Variants in ARHGEF3 observed in about 807,000 individuals in gnomAD.
ARHGEF3 encodes the protein Rho guanine nucleotide exchange factor 3.
A neutral mutation model predicts 63.2 loss-of-function variants in ARHGEF3; 28 were observed. The ratio of observed to expected loss-of-function variants is 0.44; its 90% CI spans 0.33 to 0.61. The LOEUF (loss-of-function observed/expected upper bound fraction) is 0.61. Among genes scored for constraint, ARHGEF3 ranks in the 20% least tolerant of loss-of-function variants. The pLI, the probability that ARHGEF3 is intolerant of heterozygous loss-of-function variation, is 0.03. For synonymous variants in ARHGEF3, 266 were observed against 254.2 expected (o/e 1.05, Z -0.44); for missense variants, 533 against 659.3 (o/e 0.81, Z 2.10).
At chr3:56,883,144 TG>T (rs1380058027) in intron 3 of ARHGEF3, among the ~76,000 whole-genome samples, 2 of 152,212 alleles carry the variant, frequency 1.3e-5, no homozygotes, top group African/African-American at 4.8e-5. Context: ...ACCCTAATGT[TG>T]GAAAGAAACT....
At chr3:56,979,530 C>A (rs1701247018) in intron 2 of ARHGEF3, among the ~76,000 whole-genome samples, 2 of 152,218 alleles carry the variant, frequency 1.3e-5, no homozygotes. Context: ...CAGCCAGAGA[C>A]AAGGCACAGG....
At chr3:56,959,208 G>A (rs1700172173) in intron 2 of ARHGEF3, among the ~76,000 whole-genome samples, 1 of 152,158 alleles carries the variant, frequency 6.6e-6, no homozygotes, top group Admixed American at 6.5e-5. Context: ...TTTTCACATA[G>A]ACTCAATTCC....
intron 1 of ARHGEF3, among the ~76,000 whole-genome samples, chr3:57,050,765 C>T (rs1055196984): frequency 7.2e-5 from 11 of 152,240 alleles, no homozygotes; most frequent in African/African-American, 2.7e-4. Flanking sequence ...CAGGGAGTAA[C>T]ACGATCAACT....
chr3:56,932,565 C>CT (rs35672159), intron 3 of ARHGEF3, among the ~76,000 whole-genome samples: 16,158 of 152,198 alleles, frequency 0.11, 1,189 homozygotes, highest in Non-Finnish European at 0.16. Context: ...ACTTTTTCCA[C>CT]TTTTTTCTGT....
chr3:56,875,411 A>T (rs936417185), intron 4 of ARHGEF3, among the ~76,000 whole-genome samples: 1 of 152,222 alleles, frequency 6.6e-6, no homozygotes, highest in Non-Finnish European at 1.5e-5. Flanking sequence ...AGACTCATTC[A>T]TTCATTCATT....
chr3:56,751,115 G>A lies in ARHGEF3; in HGVS notation c.553C>T (p.Arg185Ter), dbSNP rs1388577345. Residue 185 changes from arginine to a stop codon, truncating the protein, a stop_gained, in exon 6 of 10, where the codon CGA becomes TGA. Transcript: ENST00000296315. LOFTEE classifies it high-confidence loss of function. Reference protein sequence around the residue: ...PLHEELLSQLRDVRKPDGSTE... With the variant: ...PLHEELLSQL Reference sequence around the variant, plus strand: ...GAGCCATCAGGCTTCCTAACATCTCGAAGCTGACTAAGGAGCTCTGGCAAA... The same window carrying A: ...GAGCCATCAGGCTTCCTAACATCTCAAAGCTGACTAAGGAGCTCTGGCAAA... The A allele has an allele frequency of 6.2e-7, 1 of 1,613,996 alleles. No homozygotes were observed. The highest frequency in any genetic ancestry group is 1.7e-5 in the Admixed American group (1 of 59,982).
At chr3:56,798,099 A>T (rs1046670268) in intron 1 of ARHGEF3, among the ~76,000 whole-genome samples, 2 of 152,242 alleles carry the variant, frequency 1.3e-5, no homozygotes, top group Non-Finnish European at 2.9e-5. Context: ...TAGACATGGT[A>T]GACATAGAAA....
rs58860849 is a variant in ARHGEF3, at chr3:56,992,024, CTGTGTGTGTGTGTG to C, written c.63-33149_63-33136del. On this transcript the variant is annotated intron_variant, in intron 2 of 12. Transcript: ENST00000338458. ...TCTCACTCTCTCTCCCCTCCTCTCTCTGTGTGTGTGTGTGTGTGTGTGTGTGTGTGTGTGTGTGT... is the reference window on the plus strand; with the variant it reads ...TCTCACTCTCTCTCCCCTCCTCTCTCTGTGTGTGTGTGTGTGTGTGTGTGT... Among the ~76,000 whole-genome samples, 271 of 131,712 alleles carry C rather than the reference CTGTGTGTGTGTGTG, an allele frequency of 2.1e-3. 4 individuals carry two copies. Among genetic ancestry groups the C allele is most frequent in the African/African-American group, 5.3e-3 (181 of 34,448 alleles). The allele number at this position is 131,712 out of a possible 152,430, so 86.4% of individuals were successfully genotyped here. A position where few individuals can be genotyped will look rare whatever the true frequency, so the allele number is the denominator to read the frequency against.
chr3:56,907,567 T>C (rs569000239), intron 3 of ARHGEF3, among the ~76,000 whole-genome samples: 6 of 152,286 alleles, frequency 3.9e-5, no homozygotes, highest in Non-Finnish European at 5.9e-5. Flanking sequence ...CACATGCACA[T>C]GTATGTTCGT....
chr3:56,835,760 T>G (rs115581359), intron 4 of ARHGEF3, among the ~76,000 whole-genome samples: 2,343 of 151,972 alleles, frequency 0.015, 26 homozygotes, highest in South Asian at 0.031. Context: ...ACCCATAAAG[T>G]CCAACACACC....
At chr3:56,959,828 A>G (rs1197820916) in intron 2 of ARHGEF3, among the ~76,000 whole-genome samples, 2 of 152,152 alleles carry the variant, frequency 1.3e-5, no homozygotes, top group African/African-American at 4.8e-5. Context: ...AAATACAGAA[A>G]TTAGCCAGGC....
chr3:56,924,984 A>T (rs2042239951), intron 3 of ARHGEF3, among the ~76,000 whole-genome samples: 1 of 152,156 alleles, frequency 6.6e-6, no homozygotes. Context: ...AGCTTTGGGG[A>T]ATTCCCCAAC....
rs2032827915 is a variant in ARHGEF3 at position 56,727,802 on chromosome 3, CA to C, written c.*1467del. 6.6e-6 allele frequency: 1 copy of C among 152,446 alleles called. No homozygotes were observed. Among genetic ancestry groups the C allele is most frequent in the African/African-American group, 2.4e-5 (1 of 41,400 alleles). The allele number at this position is 152,446 out of a possible 1,614,324, so 9.4% of individuals were successfully genotyped here. ...AAATTGATCACAATATCCTTGTTTT[CA>C]AAAAATAATAAAGTATATACCTTGT... On this transcript the variant is annotated 3_prime_UTR_variant, in exon 10 of 10. Coordinates refer to ENST00000296315, the MANE Select transcript of ARHGEF3 (RefSeq NM_019555.3).
chr3:57,027,700 C>T (rs1703532823), intron 2 of ARHGEF3, among the ~76,000 whole-genome samples: 2 of 150,910 alleles, frequency 1.3e-5, no homozygotes, highest in Admixed American at 1.3e-4. Flanking sequence ...ACTAAAAATA[C>T]AAAAAAAAAT....
At chr3:56,985,234 G>A (rs1328053057) in intron 2 of ARHGEF3, among the ~76,000 whole-genome samples, 2 of 152,178 alleles carry the variant, frequency 1.3e-5, no homozygotes, top group Non-Finnish European at 2.9e-5. Flanking sequence ...GACTATAGGT[G>A]CCCGCCACCA....
At chr3:57,014,280 G>A (rs558084918) in intron 2 of ARHGEF3, among the ~76,000 whole-genome samples, 1 of 152,304 alleles carries the variant, frequency 6.6e-6, no homozygotes, top group South Asian at 2.1e-4. Flanking sequence ...CTCACTGTGA[G>A]GGTCCGCGGC....
intron 3 of ARHGEF3, among the ~76,000 whole-genome samples, chr3:56,921,552 C>T (rs1465607544): frequency 1.3e-5 from 2 of 152,182 alleles, no homozygotes; most frequent in Non-Finnish European, 2.9e-5. Context: ...TATTGAATGT[C>T]TTTATCTACT....
intron 3 of ARHGEF3, among the ~76,000 whole-genome samples, chr3:56,900,880 C>G (rs376460219): frequency 1.3e-3 from 197 of 152,230 alleles, no homozygotes; most frequent in African/African-American, 4.3e-3. Flanking sequence ...CTTTGTGACT[C>G]CAGGCATTTC....
At chr3:56,768,257 C>A (rs552727559) in intron 2 of ARHGEF3, among the ~76,000 whole-genome samples, 1 of 152,232 alleles carries the variant, frequency 6.6e-6, no homozygotes, top group Admixed American at 6.5e-5. Context: ...CAGGGTTTCG[C>A]CATGTTGGCC....
Sources: gnomAD v4.1 joint callset for allele counts (sites outside exome capture counted in the v4.1 genomes callset) on GRCh38, gnomAD v4.1.1 for gene constraint, MANE v1.5 for transcripts, NCBI Gene and HGNC (gene_info 2026-07-23, HGNC 2026-07-21) for gene names.